The following NPSR1 variants were observed in gnomAD, a reference collection of about 807,000 sequenced individuals.
NPSR1 encodes neuropeptide S receptor.
NPSR1 carries 48 observed loss-of-function variants against 46.9 expected under a neutral mutation model. The observed-to-expected ratio is 1.02, with a 90% confidence interval of 0.81 to 1.30. The LOEUF (loss-of-function observed/expected upper bound fraction) is 1.30. NPSR1 is among the 50% of genes most tolerant of loss of function. The probability of loss-of-function intolerance (pLI) is 0.00; values close to 1 mark genes in which losing one functional copy is unlikely to be tolerated. For missense variants in NPSR1, 450 were observed against 449.5 expected (o/e 1.00, Z -0.01); for synonymous variants, 176 against 168.1 (o/e 1.05, Z -0.36).
chr7:34,717,985 G>T (rs1378185585), intron 2 of NPSR1, among the ~76,000 whole-genome samples: 1 of 152,118 alleles, frequency 6.6e-6, no homozygotes, highest in Non-Finnish European at 1.5e-5. Flanking sequence ...CAATAGATGG[G>T]CAAATCCAAC....
chr7:34,738,307 A>C (rs1784779036), intron 2 of NPSR1, among the ~76,000 whole-genome samples: 1 of 152,212 alleles, frequency 6.6e-6, no homozygotes, highest in Admixed American at 6.5e-5. Flanking sequence ...CACAGGTAAA[A>C]CAATCTGGGC....
intron 3 of NPSR1, among the ~76,000 whole-genome samples, chr7:34,788,201 C>T (rs544370328): frequency 2.6e-4 from 40 of 151,972 alleles, no homozygotes; most frequent in Admixed American, 9.8e-4. Context: ...ATTTTAAAAT[C>T]GCTCGTTATA....
downstream of NPSR1, among the ~76,000 whole-genome samples, chr7:34,853,857 T>C (rs1396746957): frequency 6.6e-6 from 1 of 151,632 alleles, no homozygotes; most frequent in African/African-American, 2.4e-5. Context: ...TCTCAGCTAC[T>C]TGGGAGGCTG....
chr7:34,663,067 C>CTCTCTCTCTCTCTCTCTGTCTGTGTGTG (rs35826710), intron 1 of NPSR1, among the ~76,000 whole-genome samples: 1 of 99,386 alleles, frequency 1.0e-5, no homozygotes. Context: ...CTCTCTCTCT[C>CTCTCTCTCTCTCTCTCTGTCTGTGTGTG]TGTGTGTGTG....
intron 2 of NPSR1, among the ~76,000 whole-genome samples, chr7:34,711,694 A>T (rs1309458463): frequency 6.6e-6 from 1 of 152,226 alleles, no homozygotes; most frequent in Non-Finnish European, 1.5e-5. Context: ...CACTGAGACG[A>T]TGCACATAAA....
chr7:34,824,303 C>T (rs776620035), intron 4 of NPSR1, among the ~76,000 whole-genome samples: 20 of 152,078 alleles, frequency 1.3e-4, no homozygotes, highest in African/African-American at 3.4e-4. Flanking sequence ...GAAGGCTAAG[C>T]GGCAGAGAAG....
chr7:34,848,230 C>G (rs1448196953), intron 7 of NPSR1, among the ~76,000 whole-genome samples: 1 of 152,146 alleles, frequency 6.6e-6, no homozygotes, highest in East Asian at 1.9e-4. Flanking sequence ...GAAATTTGAC[C>G]CTTCTTTACA....
chr7:34,733,155 C>T (rs1004176469), intron 2 of NPSR1, among the ~76,000 whole-genome samples: 9 of 152,194 alleles, frequency 5.9e-5, no homozygotes, highest in African/African-American at 2.2e-4. Flanking sequence ...GGTGCAGTGG[C>T]TCATGCCTGT....
At chr7:34,823,763 A>C in intron 4 of NPSR1, among the ~76,000 whole-genome samples, 1 of 152,218 alleles carries the variant, frequency 6.6e-6, no homozygotes. Flanking sequence ...ATAATCGGCT[A>C]TTGATAAAAT....
Position 34,681,431 on chromosome 7 carries a change from C to T in NPSR1, c.148-3121C>T, listed in dbSNP as rs543728146. 6.6e-5 allele frequency among the ~76,000 whole-genome samples: 10 copies of T among 152,350 alleles called. No individual in the cohort carries two copies. The South Asian group carries it at 1.7e-3, about 25-fold the overall frequency. On this transcript the variant is annotated intron_variant, in intron 1 of 8. Coordinates refer to ENST00000360581, the MANE Select transcript of NPSR1 (RefSeq NM_207172.2). The stretch of plus-strand genomic sequence containing the variant: ...ACACCCTTCACCCTACATCCATGAA[C>T]ATGTTGCAACATCAGGCAACTACAA...
chr7:34,830,030 G>A (rs1465495432), intron 5 of NPSR1, among the ~76,000 whole-genome samples: 1 of 152,136 alleles, frequency 6.6e-6, no homozygotes, highest in Non-Finnish European at 1.5e-5. Context: ...CTTCTCTCTT[G>A]GGGACTAACA....
intron 2 of NPSR1, among the ~76,000 whole-genome samples, chr7:34,716,105 T>G (rs949310469): frequency 2.0e-5 from 3 of 152,138 alleles, no homozygotes; most frequent in African/African-American, 7.2e-5. Flanking sequence ...TGTCCAGGAC[T>G]CAGTATGCAA....
intron 2 of NPSR1, among the ~76,000 whole-genome samples, chr7:34,754,629 T>C (rs1457263011): frequency 6.6e-6 from 1 of 152,156 alleles, no homozygotes. Flanking sequence ...ATGAACAGCT[T>C]TATTAAAATA....
At position 34,834,398 on chromosome 7, in the gene NPSR1, T is replaced by C. The variant is rs763079218; in HGVS notation, c.695T>C (p.Ile232Thr). ...PLTIISIMYG[I>T]VIRTIWIKSK... is the part of the protein sequence containing the mutation. ...TCTTTCTGCAGCATCATGTATGGCATTGTGATCCGAACTATTTGGATTAAA... is the reference window on the plus strand; with the variant it reads ...TCTTTCTGCAGCATCATGTATGGCACTGTGATCCGAACTATTTGGATTAAA... The change falls in exon 6 of 9, where the codon ATT (isoleucine) becomes ACT (threonine). Residue 232 changes from isoleucine to threonine, a missense_variant. Transcript: ENST00000360581. 1 of 1,613,452 alleles carries C rather than the reference T, an allele frequency of 6.2e-7. No homozygotes were observed. The highest frequency in any genetic ancestry group is 8.5e-7 in the Non-Finnish European group (1 of 1,179,360).
At chr7:34,751,385 AGTT>A (rs1430738359) in intron 2 of NPSR1, 9 of 1,022,862 alleles carry the variant, frequency 8.8e-6, no homozygotes, top group Non-Finnish European at 7.8e-6. Context: ...TAGAGGCCTG[AGTT>A]GTTGTAGACT....
At chr7:34,834,564 G>T in intron 6 of NPSR1, 104 bp downstream of exon 6, 1 of 841,774 alleles carries the variant, frequency 1.2e-6, no homozygotes. Flanking sequence ...CAAGCATACA[G>T]GATCATATCA....
chr7:34,717,285 A>G (rs1783627077), intron 2 of NPSR1, among the ~76,000 whole-genome samples: 1 of 152,090 alleles, frequency 6.6e-6, no homozygotes, highest in Non-Finnish European at 1.5e-5. Context: ...GGCATGTGCC[A>G]CCACCCCCAA....
Position 34,849,956 on chromosome 7 carries a change from T to C in NPSR1, c.*301T>C, listed in dbSNP as rs767038129. 1.8e-6 allele frequency: 2 copies of C among 1,120,584 alleles called. No individual in the cohort carries two copies. The highest frequency in any genetic ancestry group is 2.2e-6 in the Non-Finnish European group (2 of 913,316). 69.4% of individuals were successfully genotyped at this position (1,120,584 alleles called of 1,614,324 possible). ...CACAGGCATTAGTGGTCCAGGGTCC[T>C]GGCTTGGAGCCAGTGAGTAGACAGG... On this transcript the variant is annotated 3_prime_UTR_variant, in exon 9 of 9. Coordinates refer to ENST00000360581, the MANE Select transcript of NPSR1 (RefSeq NM_207172.2).
chr7:34,679,267 G>A (rs1046907075), intron 1 of NPSR1, among the ~76,000 whole-genome samples: 3 of 152,064 alleles, frequency 2.0e-5, no homozygotes, highest in Non-Finnish European at 4.4e-5. Context: ...ATGAATCAGT[G>A]TCATTATTAA....
Sources: gnomAD v4.1 joint callset for allele counts (sites outside exome capture counted in the v4.1 genomes callset) on GRCh38, gnomAD v4.1.1 for gene constraint, MANE v1.5 for transcripts, NCBI Gene and HGNC (gene_info 2026-07-23, HGNC 2026-07-21) for gene names.